Variants in MNAT1 observed in about 807,000 individuals in gnomAD.
MNAT1 encodes CDK-activating kinase assembly factor MAT1.
MNAT1 carries 43 observed loss-of-function variants against 42.0 expected under a neutral mutation model. The observed-to-expected ratio is 1.02, with a 90% CI of 0.80 to 1.32. The LOEUF (loss-of-function observed/expected upper bound fraction) is 1.32. Ranked by LOEUF, MNAT1 falls within the 40% of genes most tolerant of loss-of-function variation. The pLI, the probability that MNAT1 is intolerant of heterozygous loss-of-function variation, is 0.00. For missense variants in MNAT1, 306 were observed against 350.4 expected, an observed-to-expected ratio of 0.87 and a Z score of 1.01; for synonymous variants, 118 against 120.0, an observed-to-expected ratio of 0.98 and a Z score of 0.11.
At position 60,968,222 on chromosome 14, in the gene MNAT1, G is replaced by C. The variant is rs758923868; in HGVS notation, c.810-7G>C. The C allele has an allele frequency of 5.6e-6, 9 of 1,600,848 alleles. No homozygotes were observed. The highest frequency in any genetic ancestry group is 6.8e-6 in the Non-Finnish European group (8 of 1,172,286). On this transcript the variant is annotated splice_region_variant and splice_polypyrimidine_tract_variant and intron_variant, in intron 7 of 7. Coordinates refer to ENST00000261245, the MANE Select transcript of MNAT1 (RefSeq NM_002431.4). ...ATATCAATGCTACACTTCTTGTTTT[G>C]TTTTAGGTATTTAAACCATGTCAGA...
At position 60,883,253 on chromosome 14, in the gene MNAT1, A is replaced by G. The variant is rs184221337; in HGVS notation, c.809+3418A>G. Among the ~76,000 whole-genome samples the G allele has an allele frequency of 1.3e-4, 20 of 152,198 alleles. No individual in the cohort carries two copies. In the East Asian group the frequency reaches 2.9e-3, roughly 22 times the overall value. On this transcript the variant is annotated intron_variant, in intron 7 of 7. Transcript: ENST00000261245. Reference sequence around the variant, plus strand: ...TGTTTCATCCTGATTTGATTTTTGTATGTGGTGAGAGTTAGGGGTCTAGTT... The same window carrying G: ...TGTTTCATCCTGATTTGATTTTTGTGTGTGGTGAGAGTTAGGGGTCTAGTT...
At chr14:60,879,283 T>G (rs1337219427) in intron 6 of MNAT1, among the ~76,000 whole-genome samples, 1 of 152,192 alleles carries the variant, frequency 6.6e-6, no homozygotes, top group African/African-American at 2.4e-5. Flanking sequence ...TTTCAAATGG[T>G]CTTATGCTTC....
rs987233549 is a variant in MNAT1 at position 60,968,972 on chromosome 14, C to G, written c.*623C>G. 2.6e-5 allele frequency: 4 copies of G among 156,226 alleles called. No individual in the cohort carries two copies. Among genetic ancestry groups the G allele is most frequent in the African/African-American group, 9.7e-5 (4 of 41,448 alleles). The allele number at this position is 156,226 out of a possible 1,614,324, so 9.7% of individuals were successfully genotyped here. A position where few individuals can be genotyped will look rare whatever the true frequency, so the allele number is the denominator to read the frequency against. ...AACCTTGATCAAGGTGTTATAGTTC[C>G]CAGCTGTGAGCCACACTCAGGATAA... On this transcript the variant is annotated 3_prime_UTR_variant, in exon 8 of 8. Coordinates refer to ENST00000261245, the MANE Select transcript of MNAT1 (RefSeq NM_002431.4).
intron 6 of MNAT1, among the ~76,000 whole-genome samples, chr14:60,863,704 A>T (rs1358174921): frequency 6.6e-6 from 1 of 152,126 alleles, no homozygotes; most frequent in Non-Finnish European, 1.5e-5. Flanking sequence ...TGGGACCACC[A>T]CTATGCTCAC....
intron 1 of MNAT1, among the ~76,000 whole-genome samples, chr14:60,769,806 A>G (rs1449822898): frequency 6.6e-6 from 1 of 151,990 alleles, no homozygotes; most frequent in East Asian, 1.9e-4. Flanking sequence ...AGGCACATAC[A>G]TGGCTAGTTT....
At chr14:60,947,556 G>T (rs1355689054) in intron 7 of MNAT1, among the ~76,000 whole-genome samples, 1 of 152,110 alleles carries the variant, frequency 6.6e-6, no homozygotes, top group Admixed American at 6.5e-5. Context: ...GGTGATGCGT[G>T]CCTATAATCC....
At chr14:60,798,859 A>G (rs549028609) in intron 3 of MNAT1, among the ~76,000 whole-genome samples, 102 of 152,314 alleles carry the variant, frequency 6.7e-4, no homozygotes, top group Admixed American at 1.4e-3. Flanking sequence ...CAAAGGTTAT[A>G]TACTGTGAAC....
chr14:60,967,071 A>G (rs1169988579), intron 7 of MNAT1, among the ~76,000 whole-genome samples: 1 of 152,156 alleles, frequency 6.6e-6, no homozygotes, highest in Non-Finnish European at 1.5e-5. Flanking sequence ...AATTGAGTTA[A>G]AACCTTGATT....
chr14:60,774,607 A>G (rs1383239042), intron 1 of MNAT1, among the ~76,000 whole-genome samples: 1 of 152,204 alleles, frequency 6.6e-6, no homozygotes, highest in East Asian at 1.9e-4. Context: ...CGAAGTAAGG[A>G]GAACAGTTGG....
intron 3 of MNAT1, among the ~76,000 whole-genome samples, chr14:60,802,075 A>G (rs1011867112): frequency 3.9e-5 from 6 of 152,176 alleles, no homozygotes; most frequent in Admixed American, 2.6e-4. Context: ...AAAAAAGTTG[A>G]ACTTAGAGAA....
chr14:60,860,115 G>A (rs1014105590), intron 6 of MNAT1, among the ~76,000 whole-genome samples: 5 of 152,044 alleles, frequency 3.3e-5, no homozygotes, highest in Non-Finnish European at 2.9e-5. Context: ...GTTTCTGCAG[G>A]AAGATGCCTT....
chr14:60,901,013 C>CAAAAAA (rs56345746), intron 7 of MNAT1, among the ~76,000 whole-genome samples: 2 of 36,576 alleles, frequency 5.5e-5, no homozygotes, highest in African/African-American at 2.4e-4. Context: ...GAGCCTGTCT[C>CAAAAAA]AAAAAAAAAA....
intron 7 of MNAT1, among the ~76,000 whole-genome samples, chr14:60,950,863 A>G (rs775226208): frequency 2.6e-5 from 4 of 152,256 alleles, no homozygotes; most frequent in Non-Finnish European, 5.9e-5. Flanking sequence ...AACCTAATTT[A>G]GTTTTAAAAA....
intron 4 of MNAT1, 168 bp downstream of exon 4, chr14:60,808,596 C>T (rs1367827481): frequency 2.3e-6 from 1 of 442,026 alleles, no homozygotes; most frequent in Non-Finnish European, 4.1e-6. Context: ...TAGGCAGGCA[C>T]ACATTACTGT....
intron 1 of MNAT1, among the ~76,000 whole-genome samples, chr14:60,781,103 C>T (rs886766329): frequency 9.2e-5 from 14 of 152,046 alleles, no homozygotes; most frequent in Non-Finnish European, 1.8e-4. Context: ...CATAATTTTC[C>T]CTATCGAATC....
At chr14:60,959,916 TTA>T (rs1272647291) in intron 7 of MNAT1, among the ~76,000 whole-genome samples, 1 of 127,352 alleles carries the variant, frequency 7.9e-6, no homozygotes, top group African/African-American at 2.8e-5. Context: ...AACTTGGTTT[TTA>T]TGTTTTTTTT....
chr14:60,942,032 A>AAAG (rs2036174709), intron 7 of MNAT1, among the ~76,000 whole-genome samples: 1 of 148,740 alleles, frequency 6.7e-6, no homozygotes, highest in Non-Finnish European at 1.5e-5. Flanking sequence ...AAAAAAAAAA[A>AAAG]GTCAATAAAT....
Position 60,818,789 on chromosome 14 carries a change from T to G in MNAT1, c.629T>G (p.Met210Arg). 1 of 1,612,972 alleles carries G rather than the reference T, an allele frequency of 6.2e-7. No homozygotes were observed. The highest frequency in any genetic ancestry group is 1.1e-5 in the South Asian group (1 of 90,982). Residue 210 changes from methionine (M) to arginine (R), a missense_variant, in exon 6 of 8, where the codon ATG becomes AGG. By Grantham distance (91) the Met-to-Arg change is moderately conservative (BLOSUM62 -1). Coordinates refer to ENST00000261245, the MANE Select transcript of MNAT1 (RefSeq NM_002431.4). ...AAAGATAGATCTACCCAATTAGAAA[T>G]GCAACTTGAGAAACCCAAACCTGTA... The part of the protein sequence containing the change: ...QHKDRSTQLE[M>R]QLEKPKPVKP...
intron 7 of MNAT1, among the ~76,000 whole-genome samples, chr14:60,933,147 TG>T (rs2035922884): frequency 6.6e-6 from 1 of 152,084 alleles, no homozygotes; most frequent in Non-Finnish European, 1.5e-5. Context: ...GAATACTGAC[TG>T]GTAGAATATT....
Sources: allele counts gnomAD v4.1 joint callset (sites outside exome capture counted in the v4.1 genomes callset), GRCh38; gene constraint gnomAD v4.1.1; transcripts MANE v1.5; gene names NCBI Gene and HGNC (gene_info 2026-07-23, HGNC 2026-07-21).